LYPD6: variants seen among roughly 807,000 people sequenced by gnomAD.
The protein encoded by LYPD6 is LY6/PLAUR domain containing 6.
A neutral mutation model predicts 22.7 loss-of-function variants in LYPD6; 15 were observed. The observed-to-expected ratio is 0.66, with a 90% CI of 0.44 to 1.02. The LOEUF is 1.02. Among genes scored for constraint, LYPD6 ranks in the 50% least tolerant of loss-of-function variants. LYPD6 has a pLI of 0.00. For missense variants in LYPD6, 189 were observed against 208.4 expected (o/e 0.91, Z 0.57); for synonymous variants, 72 against 77.5 (o/e 0.93, Z 0.37).
At chr2:149,382,262 G>A (rs1368963884) in intron 1 of LYPD6, among the ~76,000 whole-genome samples, 1 of 152,138 alleles carries the variant, frequency 6.6e-6, no homozygotes, top group Non-Finnish European at 1.5e-5. Flanking sequence ...ATAAGGTTGA[G>A]GAATATGGAA....
intron 1 of LYPD6, among the ~76,000 whole-genome samples, chr2:149,375,509 A>G (rs1681898632): frequency 6.6e-6 from 1 of 152,114 alleles, no homozygotes; most frequent in African/African-American, 2.4e-5. Flanking sequence ...GTGTTCTTTG[A>G]CCCTGAAATC....
At chr2:149,366,376 C>G (rs999154684) in intron 1 of LYPD6, among the ~76,000 whole-genome samples, 10 of 152,174 alleles carry the variant, frequency 6.6e-5, no homozygotes, top group Admixed American at 1.3e-4. Flanking sequence ...CCATTCCATG[C>G]TGGGCTTGAC....
At chr2:149,380,957 G>C (rs768302605) in intron 1 of LYPD6, among the ~76,000 whole-genome samples, 1 of 152,192 alleles carries the variant, frequency 6.6e-6, no homozygotes, top group Non-Finnish European at 1.5e-5. Context: ...AACTGAAGAA[G>C]AGGATATGAA....
chr2:149,394,713 A>AT (rs954575266), intron 1 of LYPD6, among the ~76,000 whole-genome samples: 3 of 152,048 alleles, frequency 2.0e-5, no homozygotes, highest in African/African-American at 7.2e-5. Flanking sequence ...TATATTATAT[A>AT]TTTTGTACTT....
chr2:149,396,865 C>G (rs1489746200), intron 1 of LYPD6, among the ~76,000 whole-genome samples: 2 of 152,166 alleles, frequency 1.3e-5, no homozygotes, highest in Non-Finnish European at 2.9e-5. Context: ...CCTTCAGTAG[C>G]TGTGGGACAC....
rs1682816018 is a variant in LYPD6, at chr2:149,409,914, T to A, written c.-71-27724T>A. On this transcript the variant is annotated intron_variant, in intron 1 of 4. Coordinates refer to ENST00000334166, the MANE Select transcript of LYPD6 (RefSeq NM_194317.5). Reference sequence around the variant, plus strand: ...CAGCATCTTAGGGGGCCTGCAGCAGTGATTCAGTTCCTTCTAAGGGCCTGT... The same window carrying A: ...CAGCATCTTAGGGGGCCTGCAGCAGAGATTCAGTTCCTTCTAAGGGCCTGT... 2.6e-5 allele frequency among the ~76,000 whole-genome samples: 4 copies of A among 152,176 alleles called. No individual in the cohort carries two copies. In the South Asian group the frequency reaches 8.3e-4, roughly 32 times the overall value.
chr2:149,397,781 A>G (rs548762976), intron 1 of LYPD6, among the ~76,000 whole-genome samples: 1 of 152,362 alleles, frequency 6.6e-6, no homozygotes, highest in Admixed American at 6.5e-5. Context: ...ATGCCAGTCT[A>G]ATGACTTTTC....
intron 2 of LYPD6, among the ~76,000 whole-genome samples, chr2:149,443,842 C>T (rs928163235): frequency 6.7e-6 from 1 of 150,304 alleles, no homozygotes; most frequent in East Asian, 1.9e-4. Context: ...ATTTTTTGGT[C>T]TCCTTGTGCA....
intron 1 of LYPD6, among the ~76,000 whole-genome samples, chr2:149,413,834 G>A (rs530886219): frequency 6.6e-6 from 1 of 152,190 alleles, no homozygotes; most frequent in Admixed American, 6.5e-5. Flanking sequence ...GAAGGGAAGA[G>A]GTATAGAGAA....
intron 1 of LYPD6, among the ~76,000 whole-genome samples, chr2:149,406,680 T>G (rs1682718136): frequency 6.6e-6 from 1 of 151,504 alleles, no homozygotes; most frequent in Non-Finnish European, 1.5e-5. Flanking sequence ...TCTTGACTCT[T>G]TATCCAATTT....
At chr2:149,429,669 T>G (rs1267981601) in intron 1 of LYPD6, among the ~76,000 whole-genome samples, 4 of 152,216 alleles carry the variant, frequency 2.6e-5, no homozygotes, top group African/African-American at 9.6e-5. Context: ...TTATTTTCTC[T>G]CATGATTTCT....
chr2:149,405,719 G>A (rs1012685771), intron 1 of LYPD6, among the ~76,000 whole-genome samples: 1 of 151,644 alleles, frequency 6.6e-6, no homozygotes, highest in African/African-American at 2.4e-5. Flanking sequence ...AGGGTTTTTT[G>A]TGTCTCTATT....
At chr2:149,411,919 A>T (rs771467535) in intron 1 of LYPD6, among the ~76,000 whole-genome samples, 5 of 152,184 alleles carry the variant, frequency 3.3e-5, no homozygotes, top group African/African-American at 7.2e-5. Flanking sequence ...AAAAGGACCT[A>T]GTGTACATTC....
At chr2:149,392,396 C>A (rs986495122) in intron 1 of LYPD6, among the ~76,000 whole-genome samples, 1 of 152,074 alleles carries the variant, frequency 6.6e-6, no homozygotes, top group African/African-American at 2.4e-5. Context: ...ATAAAAGGCA[C>A]AATCAACAAG....
At chr2:149,483,288 T>C in the LYPD6 span, among the ~76,000 whole-genome samples, 1 of 152,216 alleles carries the variant, frequency 6.6e-6, no homozygotes, top group Non-Finnish European at 1.5e-5. Flanking sequence ...CTCCAGGAGT[T>C]GTGGGCTGCA....
At chr2:149,456,894 A>G (rs981145432) in intron 3 of LYPD6, among the ~76,000 whole-genome samples, 3 of 152,238 alleles carry the variant, frequency 2.0e-5, no homozygotes, top group African/African-American at 7.2e-5. Context: ...ATCATGCAGT[A>G]TAACTCTTTT....
intron 1 of LYPD6, among the ~76,000 whole-genome samples, chr2:149,425,870 T>G (rs1266018637): frequency 6.6e-6 from 1 of 152,236 alleles, no homozygotes; most frequent in African/African-American, 2.4e-5. Context: ...TTAGGTTGAT[T>G]TAGCCAATCT....
Position 149,437,925 on chromosome 2 carries a change from C to T in LYPD6, c.118+99C>T, listed in dbSNP as rs539378774. 3.8e-6 allele frequency: 5 copies of T among 1,330,142 alleles called. No homozygotes were observed. The South Asian group carries it at 6.3e-5, about 17-fold the overall frequency. 82.4% of individuals were successfully genotyped at this position (1,330,142 alleles called of 1,614,324 possible). On this transcript the variant is annotated intron_variant, in intron 2 of 4. Transcript: ENST00000334166. ...AAGGCATCCTTCAGTATAGTGAAAA[C>T]CTCCCGTGATTTAACTGGGGTGGTG...
At chr2:149,387,138 C>G (rs1682206511) in intron 1 of LYPD6, among the ~76,000 whole-genome samples, 1 of 152,230 alleles carries the variant, frequency 6.6e-6, no homozygotes, top group African/African-American at 2.4e-5. Context: ...GAAAGCCAGC[C>G]TCTTCCTTAG....
Sources: allele counts gnomAD v4.1 joint callset (sites outside exome capture counted in the v4.1 genomes callset), GRCh38; gene constraint gnomAD v4.1.1; transcripts MANE v1.5; gene names NCBI Gene and HGNC (gene_info 2026-07-23, HGNC 2026-07-21).